The following C5 variants were observed in gnomAD, a reference collection of about 807,000 sequenced individuals.
C5 encodes complement C5.
A neutral mutation model predicts 218.8 loss-of-function variants in C5; 140 were observed. The observed-to-expected ratio is 0.64, with a 90% confidence interval of 0.56 to 0.74. The LOEUF is 0.74. Ranked by LOEUF, C5 falls within the 30% of genes least tolerant of loss-of-function variation. The pLI, the probability that C5 is intolerant of heterozygous loss-of-function variation, is 0.00. For synonymous variants in C5, 614 were observed against 682.3 expected, an observed-to-expected ratio of 0.90 and a Z score of 1.56; for missense variants, 1,700 against 1,969.6, an observed-to-expected ratio of 0.86 and a Z score of 2.59.
At chr9:120,979,331 G>T (rs928210192) in intron 28 of C5, among the ~76,000 whole-genome samples, 1 of 152,190 alleles carries the variant, frequency 6.6e-6, no homozygotes, top group African/African-American at 2.4e-5. Flanking sequence ...CAGTCAGCTT[G>T]TCTAAAATTA....
intron 28 of C5, among the ~76,000 whole-genome samples, chr9:120,977,460 T>A (rs1370968491): frequency 6.6e-6 from 1 of 152,190 alleles, no homozygotes; most frequent in Non-Finnish European, 1.5e-5. Context: ...TTTTGTTTTT[T>A]TTGTTTGTGT....
chr9:121,021,488 C>T (rs1274244618), intron 11 of C5, 21 bp downstream of exon 11: 1 of 1,599,336 alleles, frequency 6.3e-7, no homozygotes, highest in African/African-American at 1.3e-5. Flanking sequence ...CTAGAAAATA[C>T]AACAGGAGAA....
intron 33 of C5, among the ~76,000 whole-genome samples, chr9:120,967,259 CAAA>C (rs755173508): frequency 5.4e-5 from 4 of 74,018 alleles, no homozygotes; most frequent in Admixed American, 1.6e-4. Context: ...AACTCCATCT[CAAA>C]AAAAAAAAAA....
At chr9:121,045,730 T>G (rs892873705) in intron 2 of C5, among the ~76,000 whole-genome samples, 1 of 152,190 alleles carries the variant, frequency 6.6e-6, no homozygotes, top group African/African-American at 2.4e-5. Context: ...CAATGAGAGC[T>G]ATTCACTTTA....
chr9:120,963,505 A>C (rs1267869482), intron 34 of C5, 131 bp downstream of exon 34: 4 of 186,286 alleles, frequency 2.1e-5, no homozygotes, highest in Non-Finnish European at 3.8e-5. Flanking sequence ...ATCCACCTCC[A>C]AAAAAAAAAA....
intron 10 of C5, 74 bp from the exon 11 acceptor site, chr9:121,021,768 T>G (rs1275527876): frequency 1.6e-6 from 2 of 1,278,728 alleles, no homozygotes; most frequent in Non-Finnish European, 2.3e-6. Context: ...GAAATAATTT[T>G]CCTTCCTCCC....
At chr9:121,001,581 A>G (rs2047161951) in intron 20 of C5, among the ~76,000 whole-genome samples, 1 of 152,134 alleles carries the variant, frequency 6.6e-6, no homozygotes, top group African/African-American at 2.4e-5. Context: ...TTATTCTGCA[A>G]TTTGCTTTTT....
chr9:120,993,330 T>C (rs1481099695), intron 22 of C5, among the ~76,000 whole-genome samples: 1 of 152,212 alleles, frequency 6.6e-6, no homozygotes, highest in Admixed American at 6.5e-5. Context: ...GGGAAATATA[T>C]TGTATATACA....
chr9:121,073,158 A>G, the C5 span, among the ~76,000 whole-genome samples: 26 of 152,334 alleles, frequency 1.7e-4, no homozygotes, highest in African/African-American at 6.3e-4. Context: ...TCCCTTTTCC[A>G]GATTTAGCTT....
rs1323840652 is a variant in C5, at chr9:121,008,497, G to A, written c.2259C>T (p.His753=). The change falls in exon 18 of 41, where the codon CAC becomes CAT. Residue 753 remains histidine (H), a splice_region_variant and synonymous_variant. Transcript: ENST00000223642. ...SHKDMQLGRL[H]MKTLLPVSKP... is the part of the protein sequence containing the mutation. ...TGCTTACTGGTAACAGGGTCTTCAT[G>A]TCTGGACAAAAAAATCATATTCAAT... The A allele has an allele frequency of 4.4e-6, 7 of 1,607,740 alleles. No individual in the cohort carries two copies. Among genetic ancestry groups the A allele is most frequent in the African/African-American group, 1.3e-5 (1 of 74,786 alleles).
At chr9:121,058,839 G>C in the C5 span, among the ~76,000 whole-genome samples, 1 of 152,246 alleles carries the variant, frequency 6.6e-6, no homozygotes, top group South Asian at 2.1e-4. Flanking sequence ...TGTATTCTAG[G>C]CAAAGGTTCA....
chr9:120,975,097 C>T (rs995834031), intron 29 of C5, among the ~76,000 whole-genome samples, 166 bp from the exon 30 acceptor site: 10 of 152,150 alleles, frequency 6.6e-5, no homozygotes, highest in Non-Finnish European at 1.3e-4. Context: ...GAAGAAAGGT[C>T]TCTCCCTCCT....
intron 40 of C5, 97 bp from the exon 41 acceptor site, chr9:120,952,965 C>T (rs1360683096): frequency 7.2e-7 from 1 of 1,385,476 alleles, no homozygotes; most frequent in African/African-American, 1.4e-5. Flanking sequence ...GCTCAGTCGC[C>T]CATGCTGGAG....
Position 121,009,996 on chromosome 9 carries a change from T to C in C5, c.2258-1498A>G, listed in dbSNP as rs188465292. ...GCCAGAGGGGCATCGCTCATCCCAG[T>C]GGTTGGAGCTTGAGTTCCAGCAAGC... On this transcript the variant is annotated intron_variant, in intron 17 of 40. Transcript: ENST00000223642. Among the ~76,000 whole-genome samples, 10 of 152,364 alleles carry C rather than the reference T, an allele frequency of 6.6e-5. No homozygotes were observed. In the East Asian group the frequency reaches 1.9e-3, roughly 29 times the overall value.
intron 26 of C5, 121 bp downstream of exon 26, chr9:120,982,534 C>T: frequency 1.2e-6 from 1 of 825,490 alleles, no homozygotes; most frequent in Admixed American, 2.3e-5. Flanking sequence ...TGCTTGTTCA[C>T]AAAGGAATTT....
chr9:121,030,771 T>A (rs545621852), intron 6 of C5, among the ~76,000 whole-genome samples: 54 of 152,316 alleles, frequency 3.5e-4, no homozygotes, highest in East Asian at 1.4e-3. Context: ...GAGTATAGGT[T>A]CCTTGAAAAC....
In C5 at chr9:120,960,329, C is replaced by T; in HGVS notation, c.4597G>A (p.Gly1533Arg). 1.9e-6 allele frequency: 3 copies of T among 1,611,654 alleles called. No individual in the cohort carries two copies. The highest frequency in any genetic ancestry group is 2.5e-6 in the Non-Finnish European group (3 of 1,178,308). Reference protein sequence around the residue: ...AACKCVEADCGQMQEELDLTI... With the variant: ...AACKCVEADCRQMQEELDLTI... ...AGATCCAATTCTTCCTGCATTTGCC[C>T]ACAATCAGCTGGATTTTGTGAAAAT... Residue 1533 changes from glycine (G) to arginine (R), a missense_variant, in exon 38 of 41, where the codon GGG (glycine) becomes AGG (arginine). Coordinates refer to ENST00000223642, the MANE Select transcript of C5 (RefSeq NM_001735.3).
At chr9:121,016,535 T>C in intron 14 of C5, 152 bp from the exon 15 acceptor site, 4 of 961,330 alleles carry the variant, frequency 4.2e-6, no homozygotes, top group Non-Finnish European at 6.3e-6. Context: ...TTCCCAACTT[T>C]GTTTCTAAGT....
At position 121,005,977 on chromosome 9, in the gene C5, C is replaced by T. The variant is rs868770830; in HGVS notation, c.2504G>A (p.Arg835Gln). ...TCCTTTCAATTGGATCTGTTCTCCT[C>T]GTACAACAGAATATGGTATATTCAT... Reference protein sequence around the residue: ...LEMNIPYSVVRGEQIQLKGTV... With the variant: ...LEMNIPYSVVQGEQIQLKGTV... Residue 835 changes from arginine to glutamine, a missense_variant, in exon 20 of 41, where the codon CGA (arginine) becomes CAA (glutamine). Coordinates refer to ENST00000223642, the MANE Select transcript of C5 (RefSeq NM_001735.3). 6 of 1,613,124 alleles carry T rather than the reference C, an allele frequency of 3.7e-6. No individual in the cohort carries two copies. In the East Asian group the frequency reaches 8.9e-5, roughly 24 times the overall value.
Sources: allele counts gnomAD v4.1 joint callset (sites outside exome capture counted in the v4.1 genomes callset), GRCh38; gene constraint gnomAD v4.1.1; transcripts MANE v1.5; gene names NCBI Gene and HGNC (gene_info 2026-07-23, HGNC 2026-07-21).